FNDC3A: variants seen among roughly 807,000 people sequenced by gnomAD.
FNDC3A encodes fibronectin type III domain containing 3A.
Under a neutral mutation model 148.9 loss-of-function variants are expected in FNDC3A, and 32 were observed. The observed-to-expected ratio is 0.21, with a 90% confidence interval of 0.16 to 0.29. The LOEUF (loss-of-function observed/expected upper bound fraction) is 0.29. Ranked by LOEUF, FNDC3A falls within the 10% of genes least tolerant of loss-of-function variation. FNDC3A has a pLI of 1.00. For missense variants in FNDC3A, 1,191 were observed against 1,452.8 expected (o/e 0.82, Z 2.93); for synonymous variants, 472 against 473.6 (o/e 1.00, Z 0.04).
At chr13:49,131,730 A>G (rs1225776050) in intron 5 of FNDC3A, among the ~76,000 whole-genome samples, 1 of 152,216 alleles carries the variant, frequency 6.6e-6, no homozygotes, top group Non-Finnish European at 1.5e-5. Flanking sequence ...GCCACTACAC[A>G]AAGCTGCTAA....
intron 4 of FNDC3A, 117 bp from the exon 5 acceptor site, chr13:49,131,020 C>A (rs1881996380): frequency 2.7e-6 from 2 of 740,056 alleles, no homozygotes; most frequent in Non-Finnish European, 4.6e-6. Flanking sequence ...CCTGCCTCAG[C>A]CTCCCAAAGT....
At chr13:49,059,569 C>T (rs1053990122) in intron 2 of FNDC3A, among the ~76,000 whole-genome samples, 16 of 152,288 alleles carry the variant, frequency 1.1e-4, no homozygotes, top group African/African-American at 3.9e-4. Flanking sequence ...GATTCTTCTG[C>T]CTCAGCCTCC....
Position 49,040,630 on chromosome 13 carries a change from A to C in FNDC3A, c.99+34341A>C, listed in dbSNP as rs752198665. 4.9e-4 allele frequency among the ~76,000 whole-genome samples: 75 copies of C among 152,370 alleles called. 1 individual carries two copies. The highest frequency in any genetic ancestry group is 7.1e-4 in the Non-Finnish European group (48 of 68,034). ...TGCATCTGAGATAAGTGCAAACTTA[A>C]GAGTATGGTTATTTGTTTCTATGAA... is the stretch of plus-strand genomic sequence containing the variant. On this transcript the variant is annotated intron_variant, in intron 2 of 25. Transcript: ENST00000492622.
At chr13:49,110,169 C>T in intron 3 of FNDC3A, 1 of 437,416 alleles carries the variant, frequency 2.3e-6, no homozygotes, top group South Asian at 6.0e-5. Context: ...TCTTTTTTTT[C>T]CCCTATATCA....
At chr13:49,187,019 T>C (rs941814425) in intron 15 of FNDC3A, 103 bp from the exon 16 acceptor site, 13 of 687,916 alleles carry the variant, frequency 1.9e-5, no homozygotes, top group Non-Finnish European at 2.8e-5. Flanking sequence ...TGCAGGTGAT[T>C]TTTTTTTTTT....
intron 5 of FNDC3A, among the ~76,000 whole-genome samples, chr13:49,134,836 TCACTC>T (rs1566273888): frequency 1.5e-5 from 1 of 66,530 alleles, no homozygotes; most frequent in Non-Finnish European, 2.9e-5. Context: ...AGATGGAGTT[TCACTC>T]TTTTTTTTTT....
At chr13:49,186,332 G>GC (rs1295513682) in intron 15 of FNDC3A, among the ~76,000 whole-genome samples, 4 of 152,176 alleles carry the variant, frequency 2.6e-5, no homozygotes, top group Admixed American at 2.0e-4. Context: ...AAGATAATGA[G>GC]CAGGGGTAGC....
chr13:49,145,670 T>C (rs1276225503), intron 7 of FNDC3A, 108 bp from the exon 8 acceptor site: 3 of 879,574 alleles, frequency 3.4e-6, no homozygotes, highest in Non-Finnish European at 5.4e-6. Flanking sequence ...ATTTTATCTA[T>C]ATAAACAGAT....
intron 3 of FNDC3A, among the ~76,000 whole-genome samples, chr13:49,106,630 C>T (rs1880192145): frequency 6.6e-6 from 1 of 152,130 alleles, no homozygotes; most frequent in Non-Finnish European, 1.5e-5. Context: ...TATTTTATAG[C>T]ATTTATCACT....
At chr13:49,073,826 TTA>T (rs538883556) in intron 2 of FNDC3A, among the ~76,000 whole-genome samples, 18 of 146,970 alleles carry the variant, frequency 1.2e-4, no homozygotes, top group African/African-American at 4.2e-4. Context: ...TGTGTATATA[TTA>T]TATATATGTG....
chr13:49,145,520 G>GT (rs746164414), intron 7 of FNDC3A, among the ~76,000 whole-genome samples: 3 of 151,938 alleles, frequency 2.0e-5, no homozygotes, highest in Non-Finnish European at 4.4e-5. Context: ...TTTAATCCCA[G>GT]TTTTTTTCTT....
At chr13:48,993,101 C>T (rs993765929) in intron 1 of FNDC3A, among the ~76,000 whole-genome samples, 2 of 152,144 alleles carry the variant, frequency 1.3e-5, no homozygotes, top group Non-Finnish European at 2.9e-5. Context: ...ACTTTCTTAT[C>T]CTTAGATCAG....
intron 3 of FNDC3A, among the ~76,000 whole-genome samples, chr13:49,097,316 A>T (rs552030882): frequency 6.4e-5 from 9 of 141,620 alleles, no homozygotes; most frequent in African/African-American, 2.1e-4. Flanking sequence ...ATTAGCAGTT[A>T]AAAAAAAAAA....
chr13:49,196,080 C>CAAAAAAA (rs71076070), intron 19 of FNDC3A, among the ~76,000 whole-genome samples: 3 of 71,602 alleles, frequency 4.2e-5, no homozygotes, highest in Non-Finnish European at 5.2e-5. Context: ...GACCTTGTCT[C>CAAAAAAA]AAAAAAAAAA....
At chr13:49,046,180 A>C (rs1566212527) in intron 2 of FNDC3A, 3 of 155,526 alleles carry the variant, frequency 1.9e-5, no homozygotes, top group Non-Finnish European at 4.3e-5. Context: ...TAATCAGATA[A>C]ATCTTCAACC....
intron 23 of FNDC3A, among the ~76,000 whole-genome samples, chr13:49,200,417 C>T (rs2897689): frequency 0.55 from 83,845 of 152,002 alleles, 24,877 homozygotes; most frequent in Non-Finnish European, 0.66. Context: ...TTTATGTAAT[C>T]TTTGTAGCCT....
intron 8 of FNDC3A, among the ~76,000 whole-genome samples, chr13:49,148,830 A>G (rs973401260): frequency 6.6e-6 from 1 of 152,172 alleles, no homozygotes; most frequent in Non-Finnish European, 1.5e-5. Flanking sequence ...TTTTGAATAC[A>G]TGAGCAATGG....
At chr13:49,092,201 GC>G (rs1435781931) in intron 3 of FNDC3A, among the ~76,000 whole-genome samples, 2 of 152,198 alleles carry the variant, frequency 1.3e-5, no homozygotes, top group Admixed American at 1.3e-4. Context: ...TGGACCTGTT[GC>G]AGAGCTTTCT....
chr13:49,026,617 C>T (rs960294770), intron 2 of FNDC3A, among the ~76,000 whole-genome samples: 1 of 152,160 alleles, frequency 6.6e-6, no homozygotes, highest in African/African-American at 2.4e-5. Context: ...GATCCTCCTG[C>T]CTCAGCCTCC....
Sources: gnomAD v4.1 joint callset for allele counts (sites outside exome capture counted in the v4.1 genomes callset) on GRCh38, gnomAD v4.1.1 for gene constraint, MANE v1.5 for transcripts, NCBI Gene and HGNC (gene_info 2026-07-23, HGNC 2026-07-21) for gene names.